The following PACS2 variants were observed in gnomAD, a reference collection of about 807,000 sequenced individuals.
The protein encoded by PACS2 is phosphofurin acidic cluster sorting protein 2.
Under a neutral mutation model 113.0 loss-of-function variants are expected in PACS2, and 36 were observed. That is an observed-to-expected ratio of 0.32 (90% CI 0.24 to 0.42). PACS2 has a LOEUF of 0.42. Among genes scored for constraint, PACS2 ranks in the 10% least tolerant of loss-of-function variants. PACS2 has a pLI of 1.00. For missense variants in PACS2, 1,015 were observed against 1,239.5 expected, an observed-to-expected ratio of 0.82 and a Z score of 2.72; for synonymous variants, 589 against 536.1, an observed-to-expected ratio of 1.10 and a Z score of -1.36.
chr14:105,345,058 G>A (rs1319357187), intron 1 of PACS2, among the ~76,000 whole-genome samples: 3 of 150,446 alleles, frequency 2.0e-5, no homozygotes, highest in African/African-American at 7.4e-5. Flanking sequence ...GCAGTGAGCC[G>A]AGATCACACC....
intron 8 of PACS2, chr14:105,373,035 G>A (rs2061213804): frequency 6.6e-6 from 1 of 152,156 alleles, no homozygotes; most frequent in Admixed American, 6.5e-5. Context: ...TTTAAAATGA[G>A]TAAGACTCAT....
At position 105,353,498 on chromosome 14, in the gene PACS2, C is replaced by T. The variant is rs142281768; in HGVS notation, c.297+1031C>T. Among the ~76,000 whole-genome samples, 1,275 of 152,246 alleles carry T rather than the reference C, an allele frequency of 8.4e-3. 22 individuals are homozygous for T. Among genetic ancestry groups the T allele is most frequent in the African/African-American group, 0.029 (1,216 of 41,518 alleles). On this transcript the variant is annotated intron_variant, in intron 3 of 24. Coordinates refer to ENST00000447393, the MANE Select transcript of PACS2 (RefSeq NM_001100913.3). The stretch of plus-strand genomic sequence containing the variant: ...TTGTCTCATCATTGCCATCAGTGTC[C>T]TGCGTTACTGCAGATCTTCTGTTGA...
chr14:105,384,319 C>A, intron 16 of PACS2, 34 bp from the exon 17 acceptor site: 1 of 1,312,276 alleles, frequency 7.6e-7, no homozygotes, highest in South Asian at 1.2e-5. Context: ...TCCGAGTCCC[C>A]CGTGGTGACA....
Position 105,366,961 on chromosome 14 carries a change from G to A in PACS2, c.424-252G>A, listed in dbSNP as rs142404370. On this transcript the variant is annotated intron_variant, in intron 4 of 24. Coordinates refer to ENST00000447393, the MANE Select transcript of PACS2 (RefSeq NM_001100913.3). This position sits in a 1 kb window ranked among gnomAD's most constrained non-coding sequence, Gnocchi z 4.3. ...GCCCAGTGCCCTCTGCTTATGGCCC[G>A]TTCGTGAAAGCTCCCACGTGTTCCT... 2.2e-3 allele frequency among the ~76,000 whole-genome samples: 333 copies of A among 152,236 alleles called. 2 individuals carry two copies. The highest frequency in any genetic ancestry group is 7.6e-3 in the African/African-American group (314 of 41,540).
At chr14:105,350,948 C>G (rs1555403847) in intron 2 of PACS2, among the ~76,000 whole-genome samples, 1 of 152,214 alleles carries the variant, frequency 6.6e-6, no homozygotes, top group African/African-American at 2.4e-5. Flanking sequence ...GGCCCCAGCA[C>G]AAGGGGAGGA....
At position 105,354,640 on chromosome 14, in the gene PACS2, TC is replaced by T. The variant is rs1595675753; in HGVS notation, c.298-408del. ...ACAGGGGGCCTCGGAGGGAGAGCCC[TC>T]CCCGCCCTGTGTGCCCCTCGCGGAA... On this transcript the variant is annotated intron_variant, in intron 3 of 24. Transcript: ENST00000447393. This position sits in a 1 kb window ranked among gnomAD's most constrained non-coding sequence, Gnocchi z 4.2. Among the ~76,000 whole-genome samples the T allele has an allele frequency of 6.6e-6, 1 of 152,168 alleles. No individual in the cohort carries two copies. Among genetic ancestry groups the T allele is most frequent in the Non-Finnish European group, 1.5e-5 (1 of 68,022 alleles).
In PACS2 at chr14:105,394,924, G is replaced by A. The variant is rs928350739; in HGVS notation, c.*252G>A. On this transcript the variant is annotated 3_prime_UTR_variant, in exon 25 of 25. Transcript: ENST00000447393. ...GAAGGACGATGCTGAGCCATGGATCGCGGAAGGCGTCCTCTGGCCTCAGGA... is the reference window on the plus strand; with the variant it reads ...GAAGGACGATGCTGAGCCATGGATCACGGAAGGCGTCCTCTGGCCTCAGGA... 8.9e-6 allele frequency: 4 copies of A among 448,036 alleles called. No homozygotes were observed. Among genetic ancestry groups the A allele is most frequent in the East Asian group, 4.2e-5 (1 of 23,646 alleles). The allele number at this position is 448,036 out of a possible 1,614,324, so 27.8% of individuals were successfully genotyped here. A position where few individuals can be genotyped will look rare whatever the true frequency, so the allele number is the denominator to read the frequency against.
At chr14:105,352,967 AC>A (rs2060266303) in intron 3 of PACS2, among the ~76,000 whole-genome samples, 1 of 44,334 alleles carries the variant, frequency 2.3e-5, no homozygotes, top group Non-Finnish European at 4.3e-5. Context: ...GGAGACGGGC[AC>A]CCCTCATCAC....
intron 9 of PACS2, among the ~76,000 whole-genome samples, chr14:105,377,857 C>T (rs1451618814): frequency 2.6e-5 from 4 of 152,334 alleles, no homozygotes; most frequent in African/African-American, 4.8e-5. Context: ...GCCAGGGTCT[C>T]GCTGGGCTCG....
At chr14:105,382,099 G>C (rs1003215569) in intron 13 of PACS2, 41 bp downstream of exon 13, 19 of 1,528,270 alleles carry the variant, frequency 1.2e-5, no homozygotes, top group Middle Eastern at 4.6e-4. Flanking sequence ...GGCAGGGCTC[G>C]TGGTCACCCT....
At position 105,396,245 on chromosome 14, in the gene PACS2, C is replaced by A. The variant is rs1595207009; in HGVS notation, c.*1573C>A. 1 of 152,434 alleles carries A rather than the reference C, an allele frequency of 6.6e-6. No individual in the cohort carries two copies. The highest frequency in any genetic ancestry group is 2.4e-5 in the African/African-American group (1 of 41,432). The allele number at this position is 152,434 out of a possible 1,614,324, so 9.4% of individuals were successfully genotyped here. A position where few individuals can be genotyped will look rare whatever the true frequency, so the allele number is the denominator to read the frequency against. Reference sequence around the variant, plus strand: ...GCCCCAGCCCCTCCCAGCCAGAGCCCCTCCACACCAGGGACTCCTCCTTCA... The same window carrying A: ...GCCCCAGCCCCTCCCAGCCAGAGCCACTCCACACCAGGGACTCCTCCTTCA... On this transcript the variant is annotated 3_prime_UTR_variant, in exon 25 of 25. Transcript: ENST00000447393.
intron 4 of PACS2, among the ~76,000 whole-genome samples, chr14:105,360,758 C>A (rs587659419): frequency 1.3e-5 from 2 of 152,098 alleles, no homozygotes; most frequent in African/African-American, 4.8e-5. Flanking sequence ...AGTTCCCTGT[C>A]GCATGCGGTG....
intron 18 of PACS2, 23 bp from the exon 19 acceptor site, chr14:105,385,662 T>A (rs1555413442): frequency 1.3e-6 from 2 of 1,514,310 alleles, no homozygotes; most frequent in South Asian, 2.5e-5. Flanking sequence ...GTCTGTTTTC[T>A]CTTTTGGTGG....
intron 18 of PACS2, among the ~76,000 whole-genome samples, 161 bp from the exon 19 acceptor site, chr14:105,385,524 G>T (rs1168514392): frequency 6.6e-6 from 1 of 152,218 alleles, no homozygotes; most frequent in African/African-American, 2.4e-5. Context: ...CTAGACTACA[G>T]GGGAGAGAGC....
chr14:105,301,622 A>T (rs1264119109), intron 1 of PACS2, among the ~76,000 whole-genome samples: 1 of 152,140 alleles, frequency 6.6e-6, no homozygotes, highest in Non-Finnish European at 1.5e-5. Flanking sequence ...CCGCTCGCCC[A>T]GGTTCCAGAG....
Position 105,344,359 on chromosome 14 carries a change from C to T in PACS2, c.120-4134C>T, listed in dbSNP as rs587735338. On this transcript the variant is annotated intron_variant, in intron 1 of 24. Transcript: ENST00000447393. ...AGGCTGGCGTGCAGTGATACGATCT[C>T]GGCTCACTACAACCTCTGCCTCCCC... Among the ~76,000 whole-genome samples the T allele has an allele frequency of 1.1e-4, 16 of 152,020 alleles. No individual in the cohort carries two copies. The South Asian group carries it at 2.7e-3, about 26-fold the overall frequency.
chr14:105,390,898 G>C (rs1466274749), intron 20 of PACS2: 18 of 446,430 alleles, frequency 4.0e-5, no homozygotes, highest in Non-Finnish European at 7.3e-5. Context: ...GGCCCGCCAA[G>C]GTCCCTCTCA....
At chr14:105,368,193 G>C (rs1595718362) in intron 6 of PACS2, 46 bp downstream of exon 6, 3 of 1,352,380 alleles carry the variant, frequency 2.2e-6, no homozygotes, top group Non-Finnish European at 3.1e-6. Context: ...CTCACACCGG[G>C]TGTCCTGGGG....
rs2081564057 is a variant in PACS2 at position 105,397,637 on chromosome 14, A to G, written c.*2965A>G. 1 of 152,540 alleles carries G rather than the reference A, an allele frequency of 6.6e-6. No individual in the cohort carries two copies. Among genetic ancestry groups the G allele is most frequent in the Admixed American group, 6.5e-5 (1 of 15,292 alleles). The allele number at this position is 152,540 out of a possible 1,614,324, so 9.4% of individuals were successfully genotyped here. ...GCCACTGTCTCTGGGCATGCAAGCC[A>G]GTGTCCTGGTTCAGTGCCTCGGCCA... On this transcript the variant is annotated 3_prime_UTR_variant, in exon 25 of 25. Coordinates refer to ENST00000447393, the MANE Select transcript of PACS2 (RefSeq NM_001100913.3).
Sources: allele counts gnomAD v4.1 joint callset (sites outside exome capture counted in the v4.1 genomes callset), GRCh38; gene constraint gnomAD v4.1.1; non-coding constraint Gnocchi (gnomAD v3.1); transcripts MANE v1.5; gene names NCBI Gene and HGNC (gene_info 2026-07-23, HGNC 2026-07-21).